ZNF732: variants seen among roughly 807,000 people sequenced by gnomAD.
The protein encoded by ZNF732 is zinc finger protein 732, also known as zinc finger protein LOC654254.
ZNF732 carries 12 observed loss-of-function variants against 11.5 expected under a neutral mutation model. The ratio of observed to expected loss-of-function variants is 1.05; its 90% CI spans 0.67 to 1.70. ZNF732 has a LOEUF of 1.70. Ranked by LOEUF, ZNF732 falls within the 40% of genes most tolerant of loss-of-function variation. ZNF732 has a pLI of 0.00. For missense variants in ZNF732, 702 were observed against 676.9 expected, an observed-to-expected ratio of 1.04 and a Z score of -0.41; for synonymous variants, 231 against 236.5, an observed-to-expected ratio of 0.98 and a Z score of 0.21.
At chr4:301,253 CTT>C (rs1156886121) in intron 1 of ZNF732, among the ~76,000 whole-genome samples, 13 of 152,316 alleles carry the variant, frequency 8.5e-5, no homozygotes, top group Admixed American at 6.5e-4. Flanking sequence ...AATAGGAACA[CTT>C]TTACACTGTT....
intron 3 of ZNF732, among the ~76,000 whole-genome samples, chr4:274,469 A>T (rs1413358856): frequency 1.3e-5 from 2 of 151,778 alleles, no homozygotes; most frequent in East Asian, 3.8e-4. Flanking sequence ...AATAAGGGAC[A>T]AAGATAAAAT....
chr4:274,319 A>G (rs1719449524), intron 3 of ZNF732, among the ~76,000 whole-genome samples: 1 of 151,660 alleles, frequency 6.6e-6, no homozygotes, highest in South Asian at 2.1e-4. Context: ...CCAGTTTAAA[A>G]TATATTATTT....
intron 3 of ZNF732, among the ~76,000 whole-genome samples, chr4:290,021 T>G (rs1719807835): frequency 6.6e-6 from 1 of 152,202 alleles, no homozygotes; most frequent in South Asian, 2.1e-4. Flanking sequence ...AGACTCAAAA[T>G]GAAAATATCT....
chr4:277,862 C>T (rs1424329698), intron 3 of ZNF732, among the ~76,000 whole-genome samples: 1 of 151,896 alleles, frequency 6.6e-6, no homozygotes, highest in Non-Finnish European at 1.5e-5. Flanking sequence ...CTGGAACATA[C>T]GTTAGTCCTA....
rs1719330688 is a variant in ZNF732 at position 270,707 on chromosome 4, T to G, written c.*392A>C. On this transcript the variant is annotated 3_prime_UTR_variant, in exon 4 of 4. Transcript: ENST00000419098. ...TAGGTGTTCTCTCCATTATGAATTT[T>G]CTCATGTTTATTTATGGGTGAGGAC... 2.5e-5 allele frequency: 10 copies of G among 397,450 alleles called. No individual in the cohort carries two copies. The highest frequency in any genetic ancestry group is 1.9e-4 in the South Asian group (8 of 42,256). 24.6% of individuals were successfully genotyped at this position (397,450 alleles called of 1,614,324 possible).
chr4:303,526 G>A (rs1252631035), intron 1 of ZNF732, among the ~76,000 whole-genome samples: 1 of 152,226 alleles, frequency 6.6e-6, no homozygotes, highest in Non-Finnish European at 1.5e-5. Context: ...TGAGGCAGGA[G>A]AATTGTTTGA....
intron 1 of ZNF732, among the ~76,000 whole-genome samples, chr4:303,484 G>A (rs931033354): frequency 6.6e-6 from 1 of 152,164 alleles, no homozygotes; most frequent in Non-Finnish European, 1.5e-5. Flanking sequence ...GGGCGTGGTG[G>A]CACAGGCCTG....
At chr4:295,382 C>G in intron 3 of ZNF732, 56 bp downstream of exon 3, 1 of 1,404,084 alleles carries the variant, frequency 7.1e-7, no homozygotes, top group South Asian at 1.3e-5. Flanking sequence ...GGCCTAGCTT[C>G]CTTCTGGACC....
At chr4:289,307 C>G (rs1719793609) in intron 3 of ZNF732, among the ~76,000 whole-genome samples, 1 of 152,258 alleles carries the variant, frequency 6.6e-6, no homozygotes, top group South Asian at 2.1e-4. Flanking sequence ...CGCGCACATG[C>G]TGTCTACATG....
intron 3 of ZNF732, among the ~76,000 whole-genome samples, chr4:279,075 G>A (rs188974871): frequency 4.0e-5 from 6 of 151,880 alleles, no homozygotes; most frequent in East Asian, 1.9e-4. Flanking sequence ...CGCGTTTCCC[G>A]CACAGGACAA....
At chr4:280,633 T>G (rs1719602641) in intron 3 of ZNF732, among the ~76,000 whole-genome samples, 1 of 152,088 alleles carries the variant, frequency 6.6e-6, no homozygotes, top group South Asian at 2.1e-4. Flanking sequence ...TATGGGAGCT[T>G]TGGAATCCAT....
At chr4:299,073 T>A (rs147947435) in intron 1 of ZNF732, among the ~76,000 whole-genome samples, 126 of 152,178 alleles carry the variant, frequency 8.3e-4, no homozygotes, top group African/African-American at 2.8e-3. Context: ...TCCTGTCTTG[T>A]GAATCCTAGG....
Position 285,041 on chromosome 4 carries a change from T to G in ZNF732, c.226+10397A>C, listed in dbSNP as rs868936396. Among the ~76,000 whole-genome samples the G allele has an allele frequency of 2.6e-5, 4 of 152,354 alleles. No homozygotes were observed. The South Asian group carries it at 6.2e-4, about 24-fold the overall frequency. ...CCAGCTGGAGGATTAAGTCTGTTTC[T>G]ATTTTACATTTATATTTACAATAAC... On this transcript the variant is annotated intron_variant, in intron 3 of 3. Transcript: ENST00000419098.
At chr4:301,755 T>C (rs1285048020) in intron 1 of ZNF732, among the ~76,000 whole-genome samples, 4 of 152,152 alleles carry the variant, frequency 2.6e-5, no homozygotes, top group South Asian at 2.1e-4. Context: ...CATTAGGAGA[T>C]ATACCTAATA....
At chr4:296,186 T>G (rs782681442) in intron 1 of ZNF732, 31 bp from the exon 2 acceptor site, 107 of 1,602,478 alleles carry the variant, frequency 6.7e-5, no homozygotes, top group African/African-American at 1.6e-4. Context: ...AGTGACAGAG[T>G]TCTTAATTTG....
At chr4:285,036 G>A (rs1719703336) in intron 3 of ZNF732, among the ~76,000 whole-genome samples, 1 of 152,084 alleles carries the variant, frequency 6.6e-6, no homozygotes, top group African/African-American at 2.4e-5. Flanking sequence ...GATTAAGTCT[G>A]TTTCTATTTT....
At chr4:275,839 C>T (rs1447426963) in intron 3 of ZNF732, among the ~76,000 whole-genome samples, 3 of 151,496 alleles carry the variant, frequency 2.0e-5, no homozygotes, top group African/African-American at 4.8e-5. Flanking sequence ...TCAACTTACA[C>T]GAGATATCTA....
intron 1 of ZNF732, among the ~76,000 whole-genome samples, chr4:301,568 G>A (rs112275551): frequency 6.6e-4 from 101 of 152,290 alleles, no homozygotes; most frequent in African/African-American, 2.0e-3. Flanking sequence ...GTCCTTTGTA[G>A]GGACATGGAT....
intron 1 of ZNF732, among the ~76,000 whole-genome samples, chr4:299,927 C>T (rs1405930664): frequency 6.9e-6 from 1 of 144,424 alleles, no homozygotes; most frequent in Non-Finnish European, 1.5e-5. Context: ...TGGTCTCGAA[C>T]TCCGGACCTC....
Sources: allele counts gnomAD v4.1 joint callset (sites outside exome capture counted in the v4.1 genomes callset), GRCh38; gene constraint gnomAD v4.1.1; transcripts MANE v1.5; gene names NCBI Gene and HGNC (gene_info 2026-07-23, HGNC 2026-07-21).